Variants in CWC15 observed in about 807,000 individuals in gnomAD.
CWC15 encodes spliceosome-associated protein CWC15 homolog.
Under a neutral mutation model 28.4 loss-of-function variants are expected in CWC15, and 12 were observed. The observed-to-expected ratio is 0.42, with a 90% CI of 0.27 to 0.69. The LOEUF is 0.69. CWC15 is among the 30% of genes least tolerant of loss of function. CWC15 has a pLI of 0.23. For synonymous variants in CWC15, 92 were observed against 88.4 expected, an observed-to-expected ratio of 1.04 and a Z score of -0.23; for missense variants, 192 against 271.5, an observed-to-expected ratio of 0.71 and a Z score of 2.06.
rs1857699931 is a variant in CWC15 at position 94,970,158 on chromosome 11, C to T, written c.334-62G>A. 6 of 772,934 alleles carry T rather than the reference C, an allele frequency of 7.8e-6. No individual in the cohort carries two copies. The Admixed American group carries it at 1.8e-4, about 23-fold the overall frequency. 47.9% of individuals were successfully genotyped at this position (772,934 alleles called of 1,614,324 possible). On this transcript the variant is annotated intron_variant, in intron 4 of 6. Transcript: ENST00000279839. ...AAATACACACTACCAAAACACAGTA[C>T]ATATGTACAACGTATCACCCTAAGA... is the stretch of plus-strand genomic sequence containing the variant.
rs1185101762 is a variant in CWC15 at position 94,964,134 on chromosome 11, A to C, written c.561-620T>G. On this transcript the variant is annotated intron_variant, in intron 6 of 6. Transcript: ENST00000279839. ...CATAATGTATAAGCACGAAAAAAAA[A>C]CACCCATAAATAAGTTATAAAATAC... Among the ~76,000 whole-genome samples, 9 of 152,180 alleles carry C rather than the reference A, an allele frequency of 5.9e-5. No homozygotes were observed. In the South Asian group the frequency reaches 8.3e-4, roughly 14 times the overall value.
intron 4 of CWC15, 67 bp downstream of exon 4, chr11:94,970,909 CA>C (rs1857710351): frequency 7.1e-6 from 9 of 1,265,800 alleles, no homozygotes; most frequent in Non-Finnish European, 1.0e-5. Context: ...AAAGCAAAGA[CA>C]TAACAAGTAT....
Position 94,970,058 on chromosome 11 carries a change from A to G in CWC15, c.372T>C (p.Asp124=). 1 of 1,568,938 alleles carries G rather than the reference A, an allele frequency of 6.4e-7. No individual in the cohort carries two copies. The highest frequency in any genetic ancestry group is 1.7e-4 in the Middle Eastern group (1 of 6,002). The change falls in exon 5 of 7, where the codon GAT becomes GAC. Residue 124 remains aspartate, a synonymous_variant. Transcript: ENST00000279839. Reference sequence around the variant, plus strand: ...GTTCTGCAAGAAGAGCTGCAGTATCATCATCATCACTTTCTTCTTCAAAAT... The same window carrying G: ...GTTCTGCAAGAAGAGCTGCAGTATCGTCATCATCACTTTCTTCTTCAAAAT... ...DEDFEEESDD[D]DTAALLAELE...
intron 6 of CWC15, among the ~76,000 whole-genome samples, chr11:94,965,868 G>A (rs1857633112): frequency 6.6e-6 from 1 of 152,092 alleles, no homozygotes; most frequent in Non-Finnish European, 1.5e-5. Flanking sequence ...TAATCTAGCT[G>A]TGTGTCTTTA....
intron 5 of CWC15, among the ~76,000 whole-genome samples, chr11:94,967,160 C>G (rs1042940057): frequency 2.0e-5 from 3 of 151,856 alleles, no homozygotes; most frequent in Admixed American, 2.0e-4. Context: ...ATTCTCCTGC[C>G]TCAGCCTCTG....
At chr11:94,968,209 G>A (rs115495145) in intron 5 of CWC15, among the ~76,000 whole-genome samples, 3,869 of 152,222 alleles carry the variant, frequency 0.025, 159 homozygotes, top group African/African-American at 0.089. Context: ...AACAGTGGAG[G>A]TGAGTAGGTG....
At chr11:94,964,125 G>GA (rs1167244374) in intron 6 of CWC15, among the ~76,000 whole-genome samples, 25 of 146,256 alleles carry the variant, frequency 1.7e-4, no homozygotes, top group South Asian at 1.1e-3. Context: ...GTATAAGCAC[G>GA]AAAAAAAAAC....
rs1286386325 is a variant in CWC15 at position 94,962,835 on chromosome 11, A to C, written c.*550T>G. The C allele has an allele frequency of 8.5e-5, 13 of 152,270 alleles. No individual in the cohort carries two copies. The highest frequency in any genetic ancestry group is 8.5e-4 in the Admixed American group (13 of 15,276). 9.4% of individuals were successfully genotyped at this position (152,270 alleles called of 1,614,324 possible). A position where few individuals can be genotyped will look rare whatever the true frequency, so the allele number is the denominator to read the frequency against. On this transcript the variant is annotated 3_prime_UTR_variant, in exon 7 of 7. Transcript: ENST00000279839. ...ACAAGTACCTGCAGAAGTGAGCGAT[A>C]CCCAATGCTCTCCCAGACACACGCC... is the stretch of plus-strand genomic sequence containing the variant.
At chr11:94,964,272 T>TACA (rs1555094877) in intron 6 of CWC15, among the ~76,000 whole-genome samples, 2 of 152,098 alleles carry the variant, frequency 1.3e-5, no homozygotes, top group Non-Finnish European at 2.9e-5. Flanking sequence ...CACAAGCCCA[T>TACA]ATGTGTGTGT....
chr11:94,970,085 T>G lies in CWC15; in HGVS notation c.345A>C (p.Glu115Asp). The change falls in exon 5 of 7, where the codon GAA becomes GAC. Residue 115 changes from glutamate to aspartate, a missense_variant. Around this residue, in one of 2 missense-constraint regions of CWC15, gnomAD observed 188 missense variants for 250.3 expected, o/e 0.75. Coordinates refer to ENST00000279839, the MANE Select transcript of CWC15 (RefSeq NM_016403.4). ...ADDPLTDEED[E>D]DFEEESDDDD... ...CATCATCACTTTCTTCTTCAAAATCTTCATCTTCCTCCTAAAAGAACAGTG... is the reference window on the plus strand; with the variant it reads ...CATCATCACTTTCTTCTTCAAAATCGTCATCTTCCTCCTAAAAGAACAGTG... The G allele has an allele frequency of 1.3e-6, 2 of 1,505,490 alleles. No individual in the cohort carries two copies. Among genetic ancestry groups the G allele is most frequent in the Non-Finnish European group, 1.8e-6 (2 of 1,105,158 alleles). 93.3% of individuals were successfully genotyped at this position (1,505,490 alleles called of 1,614,324 possible).
intron 5 of CWC15, among the ~76,000 whole-genome samples, chr11:94,968,023 G>C (rs1281044665): frequency 6.6e-6 from 1 of 152,088 alleles, no homozygotes; most frequent in African/African-American, 2.4e-5. Context: ...CAGAGCACTA[G>C]GAAAAAAGGC....
intron 2 of CWC15, 126 bp downstream of exon 2, chr11:94,971,929 C>G: frequency 1.1e-6 from 1 of 875,050 alleles, no homozygotes; most frequent in East Asian, 2.5e-5. Context: ...GTTAAACATC[C>G]TATTGCATTC....
chr11:94,965,697 G>A (rs911587100), intron 6 of CWC15, among the ~76,000 whole-genome samples: 8 of 152,180 alleles, frequency 5.3e-5, no homozygotes, highest in South Asian at 2.1e-4. Flanking sequence ...CCTTGGGCGC[G>A]GGATCTTTAA....
intron 6 of CWC15, among the ~76,000 whole-genome samples, 174 bp from the exon 7 acceptor site, chr11:94,963,688 T>C (rs782009456): frequency 6.6e-6 from 1 of 152,240 alleles, no homozygotes; most frequent in Non-Finnish European, 1.5e-5. Flanking sequence ...AATCTTGCTT[T>C]CTTATAGCAA....
intron 2 of CWC15, 29 bp downstream of exon 2, chr11:94,972,026 T>G: frequency 1.3e-6 from 2 of 1,597,170 alleles, no homozygotes; most frequent in Non-Finnish European, 1.7e-6. Context: ...TCTTGTTTTG[T>G]GAACAATAAA....
intron 6 of CWC15, among the ~76,000 whole-genome samples, chr11:94,964,104 G>C (rs1857607433): frequency 6.6e-6 from 1 of 151,544 alleles, no homozygotes; most frequent in Non-Finnish European, 1.5e-5. Context: ...ACTCTGGTTG[G>C]ATTCCATAAT....
At chr11:94,965,344 A>T (rs1435103497) in intron 6 of CWC15, among the ~76,000 whole-genome samples, 1 of 152,212 alleles carries the variant, frequency 6.6e-6, no homozygotes, top group African/African-American at 2.4e-5. Context: ...CATTTCCTGT[A>T]AGCTTTTCTG....
chr11:94,966,752 A>G (rs1857651207), intron 5 of CWC15, among the ~76,000 whole-genome samples: 1 of 152,142 alleles, frequency 6.6e-6, no homozygotes, highest in East Asian at 1.9e-4. Flanking sequence ...AATTTTAAGC[A>G]TATATCAATA....
At position 94,971,045 on chromosome 11, in the gene CWC15, C is replaced by A. The variant is rs1590960206; in HGVS notation, c.265G>T (p.Val89Leu). Reference protein sequence around the residue: ...PTREHTTSSSVSKKPRLDQIP... With the variant: ...PTREHTTSSSLSKKPRLDQIP... ...TGGTCTAACCGTGGCTTTTTTGACA[C>A]TGAAGAGGAGGTTGTATGTTCTGGG... The change falls in exon 4 of 7, where the codon GTG becomes TTG. Residue 89 changes from valine to leucine, a missense_variant. By Grantham distance (32) the Val-to-Leu change is conservative. Transcript: ENST00000279839. 6.2e-7 allele frequency: 1 copy of A among 1,613,676 alleles called. No individual in the cohort carries two copies. The highest frequency in any genetic ancestry group is 1.1e-5 in the South Asian group (1 of 91,074).
Sources: gnomAD v4.1 joint callset for allele counts (sites outside exome capture counted in the v4.1 genomes callset) on GRCh38, gnomAD v4.1.1 for gene constraint, gnomAD v4.1.1 regional missense constraint, MANE v1.5 for transcripts, NCBI Gene and HGNC (gene_info 2026-07-23, HGNC 2026-07-21) for gene names.